The following NDRG4 variants were observed in gnomAD, a reference collection of about 807,000 sequenced individuals.
NDRG4 encodes the protein protein NDRG4.
NDRG4 carries 38 observed loss-of-function variants against 55.8 expected under a neutral mutation model. The observed-to-expected ratio is 0.68, with a 90% CI of 0.53 to 0.89. The LOEUF (loss-of-function observed/expected upper bound fraction) is 0.89. Among genes scored for constraint, NDRG4 ranks in the 40% least tolerant of loss-of-function variants. NDRG4 has a pLI of 0.00. For missense variants in NDRG4, 455 were observed against 468.6 expected, an observed-to-expected ratio of 0.97 and a Z score of 0.27; for synonymous variants, 190 against 182.7, an observed-to-expected ratio of 1.04 and a Z score of -0.32.
intron 13 of NDRG4, 59 bp from the exon 14 acceptor site, chr16:58,510,586 T>G: frequency 7.0e-7 from 1 of 1,432,560 alleles, no homozygotes; most frequent in Non-Finnish European, 9.5e-7. Context: ...GACCACGCTC[T>G]TCACTGTGTT....
Position 58,509,201 on chromosome 16 carries a change from G to T in NDRG4, c.813+12G>T. ...CCCAGGTCACACAGGTGAGACTTTTGGCCCTCCTGCCCTTACATCTATGGG... is the reference window on the plus strand; with the variant it reads ...CCCAGGTCACACAGGTGAGACTTTTTGCCCTCCTGCCCTTACATCTATGGG... On this transcript the variant is annotated intron_variant, in intron 12 of 14. Coordinates refer to ENST00000570248, the MANE Select transcript of NDRG4 (RefSeq NM_001242835.2). 2 of 1,614,004 alleles carry T rather than the reference G, an allele frequency of 1.2e-6. No homozygotes were observed. Among genetic ancestry groups the T allele is most frequent in the Non-Finnish European group, 1.7e-6 (2 of 1,180,010 alleles).
intron 2 of NDRG4, among the ~76,000 whole-genome samples, chr16:58,490,534 G>A (rs953234151): frequency 2.0e-5 from 3 of 152,092 alleles, no homozygotes; most frequent in Non-Finnish European, 4.4e-5. Flanking sequence ...TACCCATCAC[G>A]AGGACCAGAG....
intron 7 of NDRG4, 126 bp from the exon 8 acceptor site, chr16:58,506,786 A>G (rs376206000): frequency 2.4e-5 from 28 of 1,170,466 alleles, no homozygotes; most frequent in East Asian, 7.7e-5. Context: ...ACCTGCCCCC[A>G]CCCTGTCTCC....
intron 13 of NDRG4, among the ~76,000 whole-genome samples, chr16:58,509,960 A>ACACACACACACACC (rs2038587262): frequency 6.6e-6 from 1 of 150,526 alleles, no homozygotes; most frequent in Non-Finnish European, 1.5e-5. Context: ...ACACACACAC[A>ACACACACACACACC]ACACACCCCT....
At chr16:58,491,398 C>T (rs756074054) in intron 2 of NDRG4, among the ~76,000 whole-genome samples, 5 of 152,270 alleles carry the variant, frequency 3.3e-5, no homozygotes, top group African/African-American at 7.2e-5. Flanking sequence ...CAGGCTGTGG[C>T]GCTCACAGAC....
intron 1 of NDRG4, among the ~76,000 whole-genome samples, chr16:58,471,089 C>A (rs1205946544): frequency 6.6e-6 from 1 of 151,782 alleles, no homozygotes; most frequent in East Asian, 1.9e-4. Context: ...CCCAGAACCC[C>A]CAGAGGGAGA....
At chr16:58,479,224 G>T (rs1310263903) in intron 1 of NDRG4, among the ~76,000 whole-genome samples, 4 of 152,068 alleles carry the variant, frequency 2.6e-5, no homozygotes, top group African/African-American at 9.7e-5. Flanking sequence ...ACATTATTTG[G>T]TGACATGCCT....
intron 5 of NDRG4, among the ~76,000 whole-genome samples, chr16:58,505,177 GTC>G (rs2037716196): frequency 6.6e-6 from 1 of 151,950 alleles, no homozygotes; most frequent in South Asian, 2.1e-4. Context: ...GTGAAACCCA[GTC>G]TCTACTAAAA....
chr16:58,475,655 C>T (rs2033518211), intron 1 of NDRG4: 1 of 455,898 alleles, frequency 2.2e-6, no homozygotes, highest in Non-Finnish European at 4.4e-6. Flanking sequence ...TCATGATTCT[C>T]AGGTACCTTG....
Position 58,508,951 on chromosome 16 carries a change from C to T in NDRG4, c.730-11C>T, listed in dbSNP as rs1166677755. 3.1e-6 allele frequency: 5 copies of T among 1,613,412 alleles called. No individual in the cohort carries two copies. The highest frequency in any genetic ancestry group is 4.2e-6 in the Non-Finnish European group (5 of 1,179,864). ...CAGGGGCTGTTGCTGAAGCTGGCTC[C>T]TTGTCCTCAGGTGGAGTGCAACTCC... On this transcript the variant is annotated splice_polypyrimidine_tract_variant and intron_variant, in intron 10 of 14. Transcript: ENST00000570248.
downstream of NDRG4, chr16:58,515,329 CCTT>C (rs1354497450): frequency 8.6e-6 from 5 of 579,444 alleles, no homozygotes; most frequent in East Asian, 3.4e-5. Context: ...ACGGGACTCT[CCTT>C]CTGCACTCGC....
At position 58,492,165 on chromosome 16, in the gene NDRG4, A is replaced by T. The variant is rs569825071; in HGVS notation, c.73-2799A>T. Reference sequence around the variant, plus strand: ...GGGAAGTGAGGATTTCCACACATCTACTCACAGCCTGCCCGCCCACTGCTG... The same window carrying T: ...GGGAAGTGAGGATTTCCACACATCTTCTCACAGCCTGCCCGCCCACTGCTG... On this transcript the variant is annotated intron_variant, in intron 2 of 15. Transcript: ENST00000258187. Among the ~76,000 whole-genome samples, 12 of 152,034 alleles carry T rather than the reference A, an allele frequency of 7.9e-5. No individual in the cohort carries two copies. In the East Asian group the frequency reaches 2.3e-3, roughly 29 times the overall value.
chr16:58,493,068 C>T (rs2151721605), intron 2 of NDRG4, among the ~76,000 whole-genome samples: 1 of 152,338 alleles, frequency 6.6e-6, no homozygotes, highest in Non-Finnish European at 1.5e-5. Context: ...TCTCCACCAC[C>T]TGGCCTGCTG....
At position 58,464,694 on chromosome 16, in the gene NDRG4, CAG is replaced by C. The variant is rs2031230611; in HGVS notation, c.-24+898_-24+899del. The C allele has an allele frequency of 1.9e-5, 22 of 1,173,972 alleles. No homozygotes were observed. In the South Asian group the frequency reaches 6.6e-4, roughly 35 times the overall value. The allele number at this position is 1,173,972 out of a possible 1,614,324, so 72.7% of individuals were successfully genotyped here. Reference sequence around the variant, plus strand: ...GCGTCCGGGCTGCGGGAGCACCGGTCAGGGGGTGGCCCCATGGGGTCTCTGAC... The same window carrying C: ...GCGTCCGGGCTGCGGGAGCACCGGTCGGGGTGGCCCCATGGGGTCTCTGAC... On this transcript the variant is annotated intron_variant, in intron 1 of 15. Transcript: ENST00000258187. The surrounding 1 kb of genome is among the most constrained non-coding windows in gnomAD (Gnocchi z 4.8).
chr16:58,501,840 C>G (rs1597278316), intron 1 of NDRG4: 3 of 384,690 alleles, frequency 7.8e-6, no homozygotes, highest in Admixed American at 5.5e-5. Flanking sequence ...AGCAGACACC[C>G]CTCACACCCC....
At chr16:58,470,689 C>T (rs1215922530) in intron 1 of NDRG4, among the ~76,000 whole-genome samples, 4 of 151,826 alleles carry the variant, frequency 2.6e-5, no homozygotes, top group Non-Finnish European at 5.9e-5. Context: ...GGTGGATCAC[C>T]TGAGGTCAGG....
At position 58,510,670 on chromosome 16, in the gene NDRG4, G is replaced by A. The variant is rs1273715442; in HGVS notation, c.891G>A (p.Leu297=). The A allele has an allele frequency of 1.3e-6, 2 of 1,536,018 alleles. No homozygotes were observed. Among genetic ancestry groups the A allele is most frequent in the East Asian group, 2.4e-5 (1 of 40,908 alleles). The change falls in exon 14 of 15, where the codon CTG becomes CTA. Residue 297 remains leucine (L), a synonymous_variant. Coordinates refer to ENST00000570248, the MANE Select transcript of NDRG4 (RefSeq NM_001242835.2). ...GYIAYLKDRR[L]SGGAVPSASM... is the part of the protein sequence containing the mutation. ...TTGCGTACTTGAAGGACCGAAGGCTGAGTGGAGGAGCAGGTAGCCCCACGG... is the reference window on the plus strand; with the variant it reads ...TTGCGTACTTGAAGGACCGAAGGCTAAGTGGAGGAGCAGGTAGCCCCACGG...
chr16:58,490,293 G>A lies in NDRG4; in HGVS notation c.72+2443G>A, dbSNP rs551209032. 4.5e-4 allele frequency among the ~76,000 whole-genome samples: 68 copies of A among 152,300 alleles called. 1 individual carries two copies. The highest frequency in any genetic ancestry group is 3.4e-3 in the Middle Eastern group (1 of 294). On this transcript the variant is annotated intron_variant, in intron 2 of 15. Coordinates refer to the NDRG4 transcript ENST00000258187. ...CACGGAGGTGCTGCCTGCTGGTATG[G>A]AGTGTGCCTCTGTGGTCCAGCAGGG... is the stretch of plus-strand genomic sequence containing the variant.
chr16:58,485,468 G>C (rs2034982265), intron 1 of NDRG4, among the ~76,000 whole-genome samples: 1 of 152,154 alleles, frequency 6.6e-6, no homozygotes. Flanking sequence ...GGCCGGGGGA[G>C]GGGGGCTACA....
Sources: gnomAD v4.1 joint callset for allele counts (sites outside exome capture counted in the v4.1 genomes callset) on GRCh38, gnomAD v4.1.1 for gene constraint, Gnocchi (gnomAD v3.1) non-coding constraint, MANE v1.5 for transcripts, NCBI Gene and HGNC (gene_info 2026-07-23, HGNC 2026-07-21) for gene names.